LIPJ: variants seen among roughly 807,000 people sequenced by gnomAD.
LIPJ encodes the protein lipase family member J.
Under a neutral mutation model 39.8 loss-of-function variants are expected in LIPJ, and 33 were observed. The observed-to-expected ratio is 0.83, with a 90% CI of 0.63 to 1.11. LIPJ has a LOEUF of 1.11. Ranked by LOEUF, LIPJ falls within the 50% of genes least tolerant of loss-of-function variation. LIPJ has a pLI of 0.00. For missense variants in LIPJ, 422 were observed against 427.9 expected (o/e 0.99, Z 0.12); for synonymous variants, 128 against 139.2 (o/e 0.92, Z 0.57).
chr10:88,602,695 A>G (rs745686294), intron 9 of LIPJ, 48 bp downstream of exon 9: 2 of 1,182,438 alleles, frequency 1.7e-6, no homozygotes, highest in South Asian at 3.0e-5. Flanking sequence ...CATGCTACTC[A>G]TGGTTTACCT....
At chr10:88,610,615 T>A (rs1208357142), downstream of LIPJ, among the ~76,000 whole-genome samples, 2 of 152,144 alleles carry the variant, frequency 1.3e-5, no homozygotes, top group East Asian at 3.8e-4. Flanking sequence ...TTTATAGAAT[T>A]TACACTACCT....
At chr10:88,613,945 TAA>T in the LIPJ span, among the ~76,000 whole-genome samples, 1 of 149,854 alleles carries the variant, frequency 6.7e-6, no homozygotes, top group South Asian at 2.1e-4. Flanking sequence ...ACCAAATTTT[TAA>T]AAGTCAGTTT....
At chr10:88,609,977 A>T (rs1382261530), downstream of LIPJ, among the ~76,000 whole-genome samples, 3 of 151,822 alleles carry the variant, frequency 2.0e-5, no homozygotes, top group Non-Finnish European at 2.9e-5. Flanking sequence ...ACATCTACTT[A>T]TTGGGGAAGT....
chr10:88,583,063 G>C (rs771638398), upstream of LIPJ: 5 of 1,608,434 alleles, frequency 3.1e-6, no homozygotes, highest in Non-Finnish European at 3.4e-6. Context: ...TTGGCGTTTA[G>C]ACAACCCACC....
intron 8 of LIPJ, among the ~76,000 whole-genome samples, chr10:88,600,981 C>A (rs1482529507): frequency 1.3e-5 from 2 of 151,972 alleles, no homozygotes; most frequent in African/African-American, 4.8e-5. Context: ...CAGAGTTTTG[C>A]TGTGTCAGCC....
At chr10:88,615,627 C>CAAAAA in the LIPJ span, among the ~76,000 whole-genome samples, 9 of 24,236 alleles carry the variant, frequency 3.7e-4, no homozygotes, top group African/African-American at 8.7e-4. Flanking sequence ...GACTCCACCT[C>CAAAAA]AAAAAAAAAA....
chr10:88,586,651 CTTAT>C (rs890724538), upstream of LIPJ: 4 of 152,134 alleles, frequency 2.6e-5, no homozygotes, highest in East Asian at 1.9e-4. Flanking sequence ...TACCTGTTTA[CTTAT>C]TTATTATTTA....
intron 8 of LIPJ, among the ~76,000 whole-genome samples, chr10:88,601,407 C>CTT (rs60453814): frequency 0.02 from 3,061 of 152,232 alleles, 78 homozygotes; most frequent in South Asian, 0.084. Context: ...CATTTTTTGA[C>CTT]TTTAGGGTTG....
At chr10:88,583,251 T>C (rs1462721279), upstream of LIPJ, 1 of 1,597,704 alleles carries the variant, frequency 6.3e-7, no homozygotes. Context: ...GCCCGGGCTT[T>C]CTGGAAAGGC....
intron 8 of LIPJ, among the ~76,000 whole-genome samples, chr10:88,600,738 GT>G (rs1457296315): frequency 6.6e-6 from 1 of 152,046 alleles, no homozygotes; most frequent in Non-Finnish European, 1.5e-5. Context: ...TGCATTTTGT[GT>G]TGCTATAACA....
At chr10:88,592,368 A>G (rs1336021178) in intron 4 of LIPJ, 1 of 151,940 alleles carries the variant, frequency 6.6e-6, no homozygotes, top group African/African-American at 2.4e-5. Flanking sequence ...AAAGATTTAA[A>G]GATAATTTTA....
chr10:88,613,124 G>A, the LIPJ span, among the ~76,000 whole-genome samples: 1 of 152,142 alleles, frequency 6.6e-6, no homozygotes, highest in African/African-American at 2.4e-5. Context: ...GGGTGGTGGA[G>A]GGGCAGTGGG....
the LIPJ span, among the ~76,000 whole-genome samples, chr10:88,621,319 C>T: frequency 2.2e-4 from 33 of 152,204 alleles, no homozygotes; most frequent in African/African-American, 7.7e-4. Flanking sequence ...CAATGAAATA[C>T]TAGTTACCAA....
rs765595002 is a variant in LIPJ, at chr10:88,594,692, C to G, written c.355C>G (p.Leu119Val). The G allele has an allele frequency of 2.6e-6, 4 of 1,548,176 alleles. No homozygotes were observed. In the Admixed American group the frequency reaches 5.9e-5, roughly 23 times the overall value. The change falls in exon 6 of 11, where the codon CTT becomes GTT. Residue 119 changes from leucine to valine, a missense_variant. Leu to Val is a conservative substitution (Grantham distance 32). Coordinates refer to ENST00000371939, the Ensembl canonical transcript of LIPJ. ...TTTTGATGAGATGGCAAAATATGAC[C>G]TTCCAGCCTCTATTGATTTCACTGT...
chr10:88,608,827 T>C (rs1004265814), downstream of LIPJ, among the ~76,000 whole-genome samples: 1 of 152,138 alleles, frequency 6.6e-6, no homozygotes, highest in Non-Finnish European at 1.5e-5. Context: ...ACTCCAACTC[T>C]ATAGAGCAAG....
chr10:88,589,788 T>C (rs904953415), intron 2 of LIPJ, among the ~76,000 whole-genome samples: 1 of 151,862 alleles, frequency 6.6e-6, no homozygotes, highest in Non-Finnish European at 1.5e-5. Context: ...TCATATTACA[T>C]TGATCAGATT....
exon 3 of LIPJ, chr10:88,590,599 A>G: frequency 1.9e-6 from 2 of 1,040,392 alleles, no homozygotes; most frequent in Non-Finnish European, 3.0e-6. Context: ...CAAACGTGGT[A>G]TCTTTTCACA....
At chr10:88,583,969 C>T (rs1269828055), upstream of LIPJ, 1 of 153,230 alleles carries the variant, frequency 6.5e-6, no homozygotes, top group Non-Finnish European at 1.4e-5. Flanking sequence ...CCCCTCCTGA[C>T]ATTGTACTGG....
intron 4 of LIPJ, 62 bp downstream of exon 4, chr10:88,591,560 A>G (rs1038323093): frequency 3.5e-6 from 5 of 1,420,322 alleles, no homozygotes; most frequent in South Asian, 1.3e-5. Flanking sequence ...AATTGCTCCA[A>G]TTGACGGAGA....
Sources: gnomAD v4.1 joint callset for allele counts (sites outside exome capture counted in the v4.1 genomes callset) on GRCh38, gnomAD v4.1.1 for gene constraint, MANE v1.5 for transcripts, NCBI Gene and HGNC (gene_info 2026-07-23, HGNC 2026-07-21) for gene names.